The following HIVEP2 variants were observed in gnomAD, a reference collection of about 807,000 sequenced individuals.
HIVEP2 encodes the protein HIVEP zinc finger 2, also known as transcription factor HIVEP2.
A neutral mutation model predicts 180.7 loss-of-function variants in HIVEP2; 14 were observed. That is an observed-to-expected ratio of 0.08 (90% CI 0.05 to 0.12). The LOEUF (loss-of-function observed/expected upper bound fraction) is 0.12, where lower values mean the gene tolerates loss of function less well. HIVEP2 is among the 10% of genes least tolerant of loss of function. The pLI is 1.00. For missense variants in HIVEP2, 2,579 were observed against 3,008.5 expected (o/e 0.86, Z 3.34); for synonymous variants, 1,184 against 1,136.4 (o/e 1.04, Z -0.84).
At chr6:142,933,160 T>A (rs908707205) in intron 1 of HIVEP2, among the ~76,000 whole-genome samples, 1 of 152,196 alleles carries the variant, frequency 6.6e-6, no homozygotes, top group African/African-American at 2.4e-5. Flanking sequence ...AAGGAAGCAG[T>A]CATTTGCATG....
chr6:142,858,113 G>A (rs1294729705), intron 1 of HIVEP2, among the ~76,000 whole-genome samples: 1 of 152,156 alleles, frequency 6.6e-6, no homozygotes, highest in Non-Finnish European at 1.5e-5. Flanking sequence ...TGAAGGCTGG[G>A]GGACTAACAG....
intron 1 of HIVEP2, among the ~76,000 whole-genome samples, chr6:142,848,035 T>A (rs1775560503): frequency 6.6e-6 from 1 of 152,242 alleles, no homozygotes; most frequent in Non-Finnish European, 1.5e-5. Flanking sequence ...TGCTAAGACT[T>A]CTTATATTTA....
intron 1 of HIVEP2, among the ~76,000 whole-genome samples, chr6:142,890,715 AT>A (rs1351105828): frequency 6.6e-6 from 1 of 152,240 alleles, no homozygotes; most frequent in African/African-American, 2.4e-5. Flanking sequence ...AATGAGATAA[AT>A]CAGACATATA....
intron 2 of HIVEP2, among the ~76,000 whole-genome samples, chr6:142,810,777 A>C (rs935307843): frequency 1.3e-5 from 2 of 151,366 alleles, no homozygotes; most frequent in South Asian, 2.1e-4. Context: ...AAAAAAAAAA[A>C]AACAAAAAAA....
chr6:142,825,408 GC>G, intron 2 of HIVEP2, among the ~76,000 whole-genome samples: 1 of 152,158 alleles, frequency 6.6e-6, no homozygotes, highest in South Asian at 2.1e-4. Flanking sequence ...GAAATTCAGA[GC>G]AAGAACCTCA....
chr6:142,865,113 G>A (rs1776104379), intron 1 of HIVEP2, among the ~76,000 whole-genome samples: 1 of 152,100 alleles, frequency 6.6e-6, no homozygotes, highest in South Asian at 2.1e-4. Context: ...TCTTTAATAA[G>A]AAAATAAGTC....
At chr6:142,784,654 G>A (rs1775939441) in intron 2 of HIVEP2, among the ~76,000 whole-genome samples, 2 of 152,196 alleles carry the variant, frequency 1.3e-5, no homozygotes, top group African/African-American at 4.8e-5. Context: ...TTCTGGTGCT[G>A]CAAAGGGCAA....
intron 1 of HIVEP2, among the ~76,000 whole-genome samples, chr6:142,906,856 A>C (rs1320258346): frequency 2.6e-5 from 4 of 152,242 alleles, no homozygotes; most frequent in Non-Finnish European, 5.9e-5. Flanking sequence ...AAGTTGATAC[A>C]TTATAAAAGC....
intron 2 of HIVEP2, among the ~76,000 whole-genome samples, chr6:142,821,364 C>T (rs771472786): frequency 6.6e-6 from 1 of 152,072 alleles, no homozygotes; most frequent in Non-Finnish European, 1.5e-5. Context: ...ACAACTATGG[C>T]TTAAAGCATT....
chr6:142,818,734 AAAGAAAG>A (rs1562249143), intron 2 of HIVEP2, among the ~76,000 whole-genome samples: 18 of 17,036 alleles, frequency 1.1e-3, no homozygotes, highest in African/African-American at 3.5e-3. Flanking sequence ...GAAAGAAAGA[AAAGAAAG>A]AAAGAAAGAA....
chr6:142,922,908 T>G (rs147054501), intron 1 of HIVEP2, among the ~76,000 whole-genome samples: 1 of 152,232 alleles, frequency 6.6e-6, no homozygotes, highest in Non-Finnish European at 1.5e-5. Context: ...CATGTATTCA[T>G]GTAAACACAT....
At chr6:142,879,873 T>C (rs1174798205) in intron 1 of HIVEP2, among the ~76,000 whole-genome samples, 1 of 152,058 alleles carries the variant, frequency 6.6e-6, no homozygotes, top group East Asian at 1.9e-4. Context: ...CAAAAGTCAC[T>C]CAATAGTGCC....
In HIVEP2 at chr6:142,823,353, G is replaced by C. The variant is rs368395324; in HGVS notation, c.-528+13582C>G. On this transcript the variant is annotated intron_variant, in intron 2 of 9. Coordinates refer to ENST00000367603, the MANE Select transcript of HIVEP2 (RefSeq NM_006734.4). ...CTGTAACCCTAAACCCCGCGACAAC[G>C]GTTTAAGCCCCGAGGGAAATGCTTC... Among the ~76,000 whole-genome samples, 4 of 152,252 alleles carry C rather than the reference G, an allele frequency of 2.6e-5. No individual in the cohort carries two copies. In the South Asian group the frequency reaches 8.3e-4, roughly 32 times the overall value.
chr6:142,777,902 A>C lies in HIVEP2; in HGVS notation c.-432-1711T>G, dbSNP rs185345370. On this transcript the variant is annotated intron_variant, in intron 3 of 9. Transcript: ENST00000367603. ...AAATAGTAGTCTTACTTCCATGGGC[A>C]ATTTTCTCCCTAACATCGAATTTGA... Among the ~76,000 whole-genome samples, 127 of 152,318 alleles carry C rather than the reference A, an allele frequency of 8.3e-4. 2 individuals are homozygous for C. The highest frequency in any genetic ancestry group is 1.9e-3 in the East Asian group (10 of 5,180).
intron 3 of HIVEP2, among the ~76,000 whole-genome samples, 192 bp downstream of exon 3, chr6:142,783,326 CAAA>C (rs567202980): frequency 7.2e-4 from 51 of 71,030 alleles, no homozygotes; most frequent in East Asian, 6.9e-4. Flanking sequence ...GACTCCGTCA[CAAA>C]AAAAAAAAAA....
At chr6:142,911,810 G>A (rs886307956) in intron 1 of HIVEP2, among the ~76,000 whole-genome samples, 1 of 152,210 alleles carries the variant, frequency 6.6e-6, no homozygotes, top group South Asian at 2.1e-4. Context: ...TGCATGATAT[G>A]TGTGCATGCA....
chr6:142,758,153 CCCT>C (rs1226324355), intron 9 of HIVEP2, among the ~76,000 whole-genome samples: 1 of 152,218 alleles, frequency 6.6e-6, no homozygotes, highest in Non-Finnish European at 1.5e-5. Context: ...TGCAGAAGAT[CCCT>C]CTTTCCTACT....
chr6:142,922,961 C>T (rs1469101002), intron 1 of HIVEP2, among the ~76,000 whole-genome samples: 1 of 152,042 alleles, frequency 6.6e-6, no homozygotes, highest in African/African-American at 2.4e-5. Flanking sequence ...TAAATCCTGC[C>T]CAACATCTAA....
At chr6:142,767,274 T>A (rs1775401837) in intron 6 of HIVEP2, among the ~76,000 whole-genome samples, 1 of 152,206 alleles carries the variant, frequency 6.6e-6, no homozygotes, top group Non-Finnish European at 1.5e-5. Context: ...TTCTCTCGTT[T>A]GTGTTAAAAG....
Sources: gnomAD v4.1 joint callset for allele counts (sites outside exome capture counted in the v4.1 genomes callset) on GRCh38, gnomAD v4.1.1 for gene constraint, MANE v1.5 for transcripts, NCBI Gene and HGNC (gene_info 2026-07-23, HGNC 2026-07-21) for gene names.